Variants in TEX2 observed in about 807,000 individuals in gnomAD.
TEX2 encodes the protein testis expressed 2.
Under a neutral mutation model 106.9 loss-of-function variants are expected in TEX2, and 53 were observed. The observed-to-expected ratio is 0.50, with a 90% CI of 0.40 to 0.62. The LOEUF is 0.62. Among genes scored for constraint, TEX2 ranks in the 20% least tolerant of loss-of-function variants. The pLI is 0.00. For synonymous variants in TEX2, 523 were observed against 534.8 expected (o/e 0.98, Z 0.30); for missense variants, 1,207 against 1,379.0 (o/e 0.88, Z 1.98).
intron 1 of TEX2, among the ~76,000 whole-genome samples, chr17:64,247,261 T>A (rs1206256127): frequency 1.4e-5 from 2 of 145,250 alleles, no homozygotes; most frequent in African/African-American, 5.2e-5. Context: ...AGAGTGAGAC[T>A]CTGTCTCAAA....
intron 1 of TEX2, among the ~76,000 whole-genome samples, chr17:64,215,942 A>G (rs572752782): frequency 7.2e-5 from 11 of 152,350 alleles, no homozygotes; most frequent in African/African-American, 2.6e-4. Flanking sequence ...AGAAGGAGGA[A>G]ATATTCCAAG....
intron 1 of TEX2, among the ~76,000 whole-genome samples, chr17:64,239,875 CAAAAAAAAAAAA>C (rs61705973): frequency 4.0e-4 from 12 of 29,650 alleles, no homozygotes; most frequent in South Asian, 4.7e-3. Flanking sequence ...GACTCTGTCT[CAAAAAAAAAAAA>C]AAAAAAAAAA....
chr17:64,154,746 G>A (rs911251424), intron 9 of TEX2, 96 bp downstream of exon 9: 27 of 1,353,782 alleles, frequency 2.0e-5, no homozygotes, highest in Non-Finnish European at 2.3e-5. Context: ...AAAGAGGAAG[G>A]AAGATCACAG....
At chr17:64,245,367 T>C (rs1353037753) in intron 1 of TEX2, among the ~76,000 whole-genome samples, 1 of 152,198 alleles carries the variant, frequency 6.6e-6, no homozygotes, top group Non-Finnish European at 1.5e-5. Context: ...GCAAGTCACA[T>C]AAAAGCACAT....
chr17:64,156,582 C>A (rs914087287), intron 8 of TEX2, among the ~76,000 whole-genome samples: 5 of 152,182 alleles, frequency 3.3e-5, no homozygotes, highest in Non-Finnish European at 7.3e-5. Context: ...ATGTATATAG[C>A]AAAATTCAAT....
chr17:64,243,893 C>T (rs1555636029), intron 1 of TEX2, among the ~76,000 whole-genome samples: 1 of 150,960 alleles, frequency 6.6e-6, no homozygotes, highest in African/African-American at 2.4e-5. Context: ...ACTACAACCT[C>T]CACCTCCCGG....
At position 64,194,883 on chromosome 17, in the gene TEX2, G is replaced by T. The variant is rs763501135; in HGVS notation, c.1845+12C>A. 3.1e-6 allele frequency: 5 copies of T among 1,613,402 alleles called. No individual in the cohort carries two copies. Among genetic ancestry groups the T allele is most frequent in the Non-Finnish European group, 4.2e-6 (5 of 1,179,402 alleles). ...TCATCTAAGCTATCCTTCCAAAATT[G>T]CTCAGGCTCACCTTGCTGTCTGAGA... On this transcript the variant is annotated intron_variant, in intron 3 of 11. Transcript: ENST00000584379.
At chr17:64,249,777 AC>A (rs1402213218) in intron 1 of TEX2, among the ~76,000 whole-genome samples, 1 of 152,294 alleles carries the variant, frequency 6.6e-6, no homozygotes, top group African/African-American at 2.4e-5. Context: ...CCTCCTCTGA[AC>A]AATGATCACA....
chr17:64,174,682 G>A lies in TEX2; in HGVS notation c.2571+2643C>T, dbSNP rs993459397. On this transcript the variant is annotated intron_variant, in intron 6 of 11. Transcript: ENST00000584379. ...GACTAGGCATTCAAGGGTATGGGAC[G>A]TTCTCAGGCTGGTGGGTGCTAAGTT... Among the ~76,000 whole-genome samples the A allele has an allele frequency of 2.0e-5, 3 of 152,304 alleles. No homozygotes were observed. The South Asian group carries it at 6.2e-4, about 32-fold the overall frequency.
intron 4 of TEX2, among the ~76,000 whole-genome samples, chr17:64,191,832 A>C (rs866445012): frequency 5.2e-5 from 4 of 76,844 alleles, no homozygotes; most frequent in Non-Finnish European, 9.4e-5. Context: ...AAAAAAAAAA[A>C]AAAAAAAAAA....
At chr17:64,240,949 G>T (rs1228450637) in intron 1 of TEX2, among the ~76,000 whole-genome samples, 1 of 152,192 alleles carries the variant, frequency 6.6e-6, no homozygotes, top group Non-Finnish European at 1.5e-5. Flanking sequence ...AGCATCATTG[G>T]CAGTATTATA....
chr17:64,191,364 C>T (rs534420441), intron 4 of TEX2, among the ~76,000 whole-genome samples: 115 of 152,264 alleles, frequency 7.6e-4, no homozygotes, highest in Non-Finnish European at 1.1e-3. Context: ...TGGGGGGCCC[C>T]TAAGTACCTA....
At chr17:64,236,149 C>T (rs188746565) in intron 1 of TEX2, among the ~76,000 whole-genome samples, 23 of 149,306 alleles carry the variant, frequency 1.5e-4, no homozygotes, top group East Asian at 1.4e-3. Context: ...AACTACAGAT[C>T]GAAAATATTC....
chr17:64,237,565 C>T (rs1416807752), intron 1 of TEX2, among the ~76,000 whole-genome samples: 2 of 151,990 alleles, frequency 1.3e-5, no homozygotes, highest in East Asian at 1.9e-4. Context: ...AATGGCAGCC[C>T]GGACTAGCGG....
chr17:64,232,779 T>C (rs1199413925), intron 1 of TEX2, among the ~76,000 whole-genome samples: 1 of 152,228 alleles, frequency 6.6e-6, no homozygotes, highest in Non-Finnish European at 1.5e-5. Flanking sequence ...CTTGATGGTT[T>C]GGGTAGCTTT....
At position 64,160,769 on chromosome 17, in the gene TEX2, T is replaced by C. The variant is rs141082412; in HGVS notation, c.2804+32A>G. The C allele has an allele frequency of 4.7e-3, 7,570 of 1,611,054 alleles. 414 individuals carry two copies. The Admixed American group carries it at 0.1, about 21-fold the overall frequency. On this transcript the variant is annotated intron_variant, in intron 8 of 11. Coordinates refer to ENST00000584379, the MANE Select transcript of TEX2 (RefSeq NM_001288732.2). Reference sequence around the variant, plus strand: ...GGAGGGAGAAGCTGGTGCCCCAGGATTGGATTAGTAAATTCATATATAGCC... The same window carrying C: ...GGAGGGAGAAGCTGGTGCCCCAGGACTGGATTAGTAAATTCATATATAGCC...
chr17:64,213,983 G>T lies in TEX2; in HGVS notation c.235C>A (p.Pro79Thr). The T allele has an allele frequency of 3.7e-6, 6 of 1,614,200 alleles. No homozygotes were observed. The highest frequency in any genetic ancestry group is 5.1e-6 in the Non-Finnish European group (6 of 1,180,034). ...LEAKEDLYLEPQVGHDPAGPA... is the reference protein window; with the variant it reads ...LEAKEDLYLETQVGHDPAGPA... ...CCGGCGGGGTCATGGCCAACTTGGG[G>T]TTCAAGATAGAGGTCTTCCTTGGCT... The change falls in exon 2 of 12, where the codon CCC becomes ACC. Residue 79 changes from proline (P) to threonine (T), a missense_variant. Pro to Thr is a conservative substitution (Grantham distance 38, BLOSUM62 -1). Coordinates refer to ENST00000584379, the MANE Select transcript of TEX2 (RefSeq NM_001288732.2). This position sits in a 1 kb window ranked among gnomAD's most constrained non-coding sequence, Gnocchi z 4.4.
intron 1 of TEX2, chr17:64,230,905 A>C (rs1309162295): frequency 1.3e-5 from 2 of 152,256 alleles, no homozygotes; most frequent in African/African-American, 4.8e-5. Context: ...ACCAGAGTGC[A>C]CATCAGCTGA....
intron 1 of TEX2, among the ~76,000 whole-genome samples, chr17:64,249,980 T>C (rs1189060692): frequency 7.2e-5 from 11 of 152,162 alleles, no homozygotes; most frequent in Non-Finnish European, 4.4e-5. Context: ...CCCTGGGAAA[T>C]TAAAACAAAA....
Sources: gnomAD v4.1 joint callset for allele counts (sites outside exome capture counted in the v4.1 genomes callset) on GRCh38, gnomAD v4.1.1 for gene constraint, Gnocchi (gnomAD v3.1) non-coding constraint, MANE v1.5 for transcripts, NCBI Gene and HGNC (gene_info 2026-07-23, HGNC 2026-07-21) for gene names.